The following COLGALT2 variants were observed in gnomAD, a reference collection of about 807,000 sequenced individuals.
COLGALT2 encodes collagen beta(1-O)galactosyltransferase 2.
Under a neutral mutation model 73.4 loss-of-function variants are expected in COLGALT2, and 49 were observed. That is an observed-to-expected ratio of 0.67 (90% CI 0.53 to 0.85). COLGALT2 has a LOEUF of 0.85. Ranked by LOEUF, COLGALT2 falls within the 40% of genes least tolerant of loss-of-function variation. The pLI is 0.00. For missense variants in COLGALT2, 722 were observed against 790.2 expected (o/e 0.91, Z 1.03); for synonymous variants, 295 against 307.6 (o/e 0.96, Z 0.43).
intron 4 of COLGALT2, among the ~76,000 whole-genome samples, chr1:183,972,866 A>AT (rs1266232265): frequency 6.6e-6 from 1 of 152,038 alleles, no homozygotes; most frequent in Non-Finnish European, 1.5e-5. Context: ...CGCCTGGCTA[A>AT]TTTTTTATAT....
chr1:183,961,489 A>G (rs1670699730), intron 6 of COLGALT2, among the ~76,000 whole-genome samples: 1 of 152,182 alleles, frequency 6.6e-6, no homozygotes, highest in African/African-American at 2.4e-5. Context: ...AAGGGACAGC[A>G]CTTTATCGAG....
intron 2 of COLGALT2, among the ~76,000 whole-genome samples, chr1:183,977,116 T>C (rs2102818821): frequency 6.6e-6 from 1 of 152,304 alleles, no homozygotes; most frequent in Middle Eastern, 3.4e-3. Context: ...TCATTTGTAT[T>C]TGAGGTAGAT....
chr1:183,955,248 TA>T (rs1484683385), intron 6 of COLGALT2, among the ~76,000 whole-genome samples: 1 of 152,204 alleles, frequency 6.6e-6, no homozygotes, highest in Non-Finnish European at 1.5e-5. Context: ...ATCTGTGTTA[TA>T]AAATTTAAAT....
chr1:183,936,807 G>A lies in COLGALT2; in HGVS notation c.*1954C>T, dbSNP rs1185064417. ...TCTAAGCGGCACAATTTAGAGTTGGGTGAGTTCCCTTTCCTCCAGCGGCCT... is the reference window on the plus strand; with the variant it reads ...TCTAAGCGGCACAATTTAGAGTTGGATGAGTTCCCTTTCCTCCAGCGGCCT... On this transcript the variant is annotated 3_prime_UTR_variant, in exon 12 of 12. Coordinates refer to ENST00000361927, the MANE Select transcript of COLGALT2 (RefSeq NM_015101.4). 2.4e-6 allele frequency: 3 copies of A among 1,231,564 alleles called. No homozygotes were observed. Among genetic ancestry groups the A allele is most frequent in the East Asian group, 6.3e-5 (2 of 31,692 alleles). The allele number at this position is 1,231,564 out of a possible 1,614,324, so 76.3% of individuals were successfully genotyped here. A position where few individuals can be genotyped will look rare whatever the true frequency, so the allele number is the denominator to read the frequency against.
Position 184,037,209 on chromosome 1 carries a change from A to C in COLGALT2, c.149T>G (p.Leu50Arg), listed in dbSNP as rs758880047. ...EEPVVFPESP[L>R]QSPTVLVAVL... ...CGCCACGAGCACCGTGGGGCTCTGCAGGGGCGACTCCGGGAAAACCACCGG... is the reference window on the plus strand; with the variant it reads ...CGCCACGAGCACCGTGGGGCTCTGCCGGGGCGACTCCGGGAAAACCACCGG... The change falls in exon 1 of 12, where the codon CTG becomes CGG. Residue 50 changes from leucine (L) to arginine (R), a missense_variant. Transcript: ENST00000361927. 41 of 1,603,716 alleles carry C rather than the reference A, an allele frequency of 2.6e-5. No individual in the cohort carries two copies. The highest frequency in any genetic ancestry group is 3.2e-5 in the Non-Finnish European group (38 of 1,176,784).
downstream of COLGALT2, among the ~76,000 whole-genome samples, chr1:183,932,542 G>A (rs892765325): frequency 5.3e-5 from 8 of 152,206 alleles, no homozygotes; most frequent in South Asian, 1.5e-3. Context: ...CGTGTGGAAC[G>A]GCACCCTGCG....
intron 1 of COLGALT2, among the ~76,000 whole-genome samples, chr1:183,984,690 A>T (rs1031659262): frequency 1.3e-5 from 2 of 152,172 alleles, no homozygotes; most frequent in Non-Finnish European, 2.9e-5. Context: ...TGCCACATCC[A>T]CACTGGCCAC....
chr1:184,000,300 A>C (rs1320615857), intron 1 of COLGALT2, among the ~76,000 whole-genome samples: 1 of 151,508 alleles, frequency 6.6e-6, no homozygotes, highest in Non-Finnish European at 1.5e-5. Flanking sequence ...CTTTTTTTCA[A>C]TTTTTCTTTT....
At chr1:184,033,198 G>A (rs10797934) in intron 1 of COLGALT2, among the ~76,000 whole-genome samples, 24,210 of 152,116 alleles carry the variant, frequency 0.16, 2,122 homozygotes, top group East Asian at 0.26. Flanking sequence ...TTTTCCCTGC[G>A]CCATGCTTCG....
chr1:183,956,744 A>C (rs1429956148), intron 6 of COLGALT2, among the ~76,000 whole-genome samples: 2 of 152,214 alleles, frequency 1.3e-5, no homozygotes, highest in Non-Finnish European at 2.9e-5. Context: ...GTGTTGCAAA[A>C]AAAAAGCCAC....
At chr1:183,932,211 G>T (rs1669862811), downstream of COLGALT2, among the ~76,000 whole-genome samples, 1 of 152,206 alleles carries the variant, frequency 6.6e-6, no homozygotes, top group Admixed American at 6.5e-5. Context: ...AGTGGATGCA[G>T]TTTGGTGAGA....
intron 1 of COLGALT2, among the ~76,000 whole-genome samples, chr1:183,981,857 C>T (rs1671360893): frequency 6.6e-6 from 1 of 152,118 alleles, no homozygotes; most frequent in African/African-American, 2.4e-5. Context: ...CACAGTGGAA[C>T]TCTATTTAGA....
At position 183,945,432 on chromosome 1, in the gene COLGALT2, C is replaced by T; in HGVS notation, c.1269G>A (p.Glu423=). 6.2e-7 allele frequency: 1 copy of T among 1,613,766 alleles called. No homozygotes were observed. The highest frequency in any genetic ancestry group is 8.5e-7 in the Non-Finnish European group (1 of 1,179,932). ...CFLSHYSVWK[E]VIDRELEKTL... ...GCAATCTGAATAAAGCATTATTTAC[C>T]TCTTTCCAGACTGAGTAGTGGCTGA... The change falls in exon 9 of 12, where the codon GAG becomes GAA. Residue 423 remains glutamate, a splice_region_variant and synonymous_variant. Coordinates refer to ENST00000361927, the MANE Select transcript of COLGALT2 (RefSeq NM_015101.4).
At chr1:183,999,133 C>A (rs1671847938) in intron 1 of COLGALT2, among the ~76,000 whole-genome samples, 1 of 151,882 alleles carries the variant, frequency 6.6e-6, no homozygotes, top group South Asian at 2.1e-4. Context: ...TTGTGGGTAG[C>A]ATTTATTGGG....
intron 1 of COLGALT2, among the ~76,000 whole-genome samples, chr1:184,004,593 T>C (rs764153183): frequency 7.2e-5 from 11 of 152,198 alleles, no homozygotes; most frequent in Non-Finnish European, 1.5e-4. Flanking sequence ...GTATACATGA[T>C]ACAGAATTTT....
chr1:183,991,564 T>G (rs1558328356), intron 1 of COLGALT2, among the ~76,000 whole-genome samples: 2 of 152,190 alleles, frequency 1.3e-5, no homozygotes, highest in South Asian at 2.1e-4. Context: ...TTGTCTTGGT[T>G]CCAGGAACAA....
chr1:184,001,259 TAA>T (rs869124740), intron 1 of COLGALT2, among the ~76,000 whole-genome samples: 15 of 152,086 alleles, frequency 9.9e-5, no homozygotes. Flanking sequence ...TCTACTTTTT[TAA>T]AAAAAATAAA....
At chr1:183,960,235 C>T (rs935648010) in intron 6 of COLGALT2, among the ~76,000 whole-genome samples, 1 of 152,224 alleles carries the variant, frequency 6.6e-6, no homozygotes, top group Non-Finnish European at 1.5e-5. Flanking sequence ...CCCTCTCGAA[C>T]TTTATTTCTG....
chr1:183,969,320 TGTA>T lies in COLGALT2; in HGVS notation c.778_780del (p.Tyr260del), dbSNP rs749064489. On this transcript the variant is annotated inframe_deletion, in exon 5 of 12. Transcript: ENST00000361927. ...ACAATGATGTCATCAAAGGTCCAGG[TGTA>T]GTCCTGGTGTGGGGGGTAGAAAGTC... The T allele has an allele frequency of 8.7e-6, 14 of 1,613,608 alleles. No homozygotes were observed. Among genetic ancestry groups the T allele is most frequent in the Non-Finnish European group, 1.1e-5 (13 of 1,179,824 alleles).
Sources: gnomAD v4.1 joint callset for allele counts (sites outside exome capture counted in the v4.1 genomes callset) on GRCh38, gnomAD v4.1.1 for gene constraint, MANE v1.5 for transcripts, NCBI Gene and HGNC (gene_info 2026-07-23, HGNC 2026-07-21) for gene names.